The following FAM171A1 variants were observed in gnomAD, a reference collection of about 807,000 sequenced individuals.
FAM171A1 encodes protein FAM171A1.
A neutral mutation model predicts 74.9 loss-of-function variants in FAM171A1; 23 were observed. The ratio of observed to expected loss-of-function variants is 0.31; its 90% CI spans 0.22 to 0.44. The LOEUF is 0.44. Among genes scored for constraint, FAM171A1 ranks in the 20% least tolerant of loss-of-function variants. FAM171A1 has a pLI of 1.00. For missense variants in FAM171A1, 1,162 were observed against 1,159.2 expected (o/e 1.00, Z -0.03); for synonymous variants, 527 against 505.7 (o/e 1.04, Z -0.57).
intron 7 of FAM171A1, 135 bp from the exon 8 acceptor site, chr10:15,214,736 G>C: frequency 8.7e-7 from 1 of 1,151,158 alleles, no homozygotes; most frequent in Non-Finnish European, 1.2e-6. Context: ...GCAGCCAAAA[G>C]CCTTCTCACC....
intron 2 of FAM171A1, among the ~76,000 whole-genome samples, chr10:15,276,448 G>A (rs1247432579): frequency 6.6e-6 from 1 of 152,170 alleles, no homozygotes; most frequent in Admixed American, 6.5e-5. Flanking sequence ...CAAAGTGTTG[G>A]GATTACAGGC....
chr10:15,243,950 C>T (rs1437959673), intron 5 of FAM171A1, among the ~76,000 whole-genome samples: 9 of 152,166 alleles, frequency 5.9e-5, no homozygotes, highest in Non-Finnish European at 1.3e-4. Context: ...CGAGGTTTCA[C>T]CGTGTTAGCC....
upstream of FAM171A1, among the ~76,000 whole-genome samples, chr10:15,372,523 C>G (rs1217170950): frequency 8.9e-6 from 1 of 112,988 alleles, no homozygotes; most frequent in Non-Finnish European, 1.8e-5. Context: ...TGGTGAAACC[C>G]TGTCTCTACC....
intron 1 of FAM171A1, among the ~76,000 whole-genome samples, chr10:15,337,480 G>A (rs374789464): frequency 1.8e-4 from 27 of 151,096 alleles, no homozygotes; most frequent in African/African-American, 5.8e-4. Context: ...GCTCCCGCCT[G>A]TAATCCCAGC....
chr10:15,256,659 T>G (rs944704479), intron 3 of FAM171A1, among the ~76,000 whole-genome samples: 1 of 152,220 alleles, frequency 6.6e-6, no homozygotes, highest in Non-Finnish European at 1.5e-5. Flanking sequence ...TCTGGGTATT[T>G]TAACATTATT....
rs1184161078 is a variant in FAM171A1 at position 15,339,790 on chromosome 10, A to C, written c.97+31166T>G. The stretch of plus-strand genomic sequence containing the variant: ...CGCTGCTGATAAAGACATACCCGAG[A>C]CTGGGTAATTTATAAAGAAAAAGAG... On this transcript the variant is annotated intron_variant, in intron 1 of 7. Transcript: ENST00000378116. Among the ~76,000 whole-genome samples, 3 of 152,092 alleles carry C rather than the reference A, an allele frequency of 2.0e-5. No homozygotes were observed. In the East Asian group the frequency reaches 5.8e-4, roughly 29 times the overall value.
intron 1 of FAM171A1, among the ~76,000 whole-genome samples, chr10:15,345,920 T>C (rs1835812776): frequency 6.6e-6 from 1 of 152,036 alleles, no homozygotes. Flanking sequence ...GACCCAGAAA[T>C]GTCCGCTGGA....
chr10:15,276,451 T>C (rs922985398), intron 2 of FAM171A1, among the ~76,000 whole-genome samples: 1 of 152,220 alleles, frequency 6.6e-6, no homozygotes, highest in African/African-American at 2.4e-5. Flanking sequence ...AGTGTTGGGA[T>C]TACAGGCGTG....
chr10:15,369,046 C>G (rs1035634672), intron 1 of FAM171A1, among the ~76,000 whole-genome samples: 1 of 152,130 alleles, frequency 6.6e-6, no homozygotes, highest in Non-Finnish European at 1.5e-5. Flanking sequence ...ATCTCCCACT[C>G]CAACCATACC....
intron 5 of FAM171A1, 48 bp downstream of exon 5, chr10:15,248,591 T>A (rs1834464406): frequency 6.5e-7 from 1 of 1,540,708 alleles, no homozygotes; most frequent in South Asian, 1.3e-5. Flanking sequence ...AACCAAACAG[T>A]AACGAAGCCA....
intron 5 of FAM171A1, among the ~76,000 whole-genome samples, chr10:15,236,123 A>G (rs1834285461): frequency 6.6e-6 from 1 of 152,140 alleles, no homozygotes; most frequent in Non-Finnish European, 1.5e-5. Flanking sequence ...AATCCCAAAC[A>G]ATGATGTTTC....
At chr10:15,326,624 C>T (rs1182913030) in intron 1 of FAM171A1, among the ~76,000 whole-genome samples, 1 of 151,348 alleles carries the variant, frequency 6.6e-6, no homozygotes, top group Non-Finnish European at 1.5e-5. Context: ...AGGTTTCTTA[C>T]AATTCTTGTT....
rs149741821 is a variant in FAM171A1 at position 15,270,698 on chromosome 10, C to T, written c.418+5157G>A. Among the ~76,000 whole-genome samples, 787 of 152,288 alleles carry T rather than the reference C, an allele frequency of 5.2e-3. 11 individuals carry two copies. The highest frequency in any genetic ancestry group is 0.018 in the African/African-American group (753 of 41,572). ...CAAAGCTTCCAGAGGAAGGATCAGG[C>T]AGCAACATTTGCTGTTCTGCAATAT... is the stretch of plus-strand genomic sequence containing the variant. On this transcript the variant is annotated intron_variant, in intron 3 of 7. Transcript: ENST00000378116.
chr10:15,243,547 A>ATG (rs1370199369), intron 5 of FAM171A1, among the ~76,000 whole-genome samples: 1 of 152,164 alleles, frequency 6.6e-6, no homozygotes, highest in Non-Finnish European at 1.5e-5. Flanking sequence ...CACACAACCC[A>ATG]TACAGGAATC....
At chr10:15,350,771 T>G (rs1835868442) in intron 1 of FAM171A1, among the ~76,000 whole-genome samples, 1 of 152,084 alleles carries the variant, frequency 6.6e-6, no homozygotes, top group African/African-American at 2.4e-5. Flanking sequence ...GCCTCCCCAG[T>G]AGCTGGAATT....
At chr10:15,223,941 A>G (rs1472681958) in intron 5 of FAM171A1, among the ~76,000 whole-genome samples, 1 of 152,120 alleles carries the variant, frequency 6.6e-6, no homozygotes, top group Non-Finnish European at 1.5e-5. Context: ...ACCCCTCCAC[A>G]TTACATTTGG....
Position 15,370,987 on chromosome 10 carries a change from C to G in FAM171A1, c.66G>C (p.Lys22Asn). The G allele has an allele frequency of 8.4e-7, 1 of 1,192,240 alleles. No homozygotes were observed. The highest frequency in any genetic ancestry group is 1.1e-6 in the Non-Finnish European group (1 of 939,092). The allele number at this position is 1,192,240 out of a possible 1,614,324, so 73.9% of individuals were successfully genotyped here. The stretch of plus-strand genomic sequence containing the variant: ...CTCCGGCGCCGGGCTCCCGCAGCGT[C>G]TTGGTCACCGCCTTCCAGACGTGGC... The part of the protein sequence containing the change: ...LGCHVWKAVT[K>N]TLREPGAGAQ... The change falls in exon 1 of 8, where the codon AAG (lysine) becomes AAC (asparagine). Residue 22 changes from lysine (K) to asparagine (N), a missense_variant. Transcript: ENST00000378116.
chr10:15,229,039 T>G (rs1044142585), intron 5 of FAM171A1, among the ~76,000 whole-genome samples: 5 of 152,222 alleles, frequency 3.3e-5, no homozygotes, highest in African/African-American at 1.2e-4. Flanking sequence ...ACTAGGTCTA[T>G]AAGCTGGGAC....
Position 15,284,111 on chromosome 10 carries a change from G to C in FAM171A1, c.98-6C>G. 6.2e-7 allele frequency: 1 copy of C among 1,612,260 alleles called. No homozygotes were observed. Among genetic ancestry groups the C allele is most frequent in the Non-Finnish European group, 8.5e-7 (1 of 1,179,714 alleles). On this transcript the variant is annotated splice_polypyrimidine_tract_variant and splice_region_variant and intron_variant, in intron 1 of 7. Coordinates refer to ENST00000378116, the MANE Select transcript of FAM171A1 (RefSeq NM_001010924.2). ...GTGCACCTTTAACGTCACCTCTGGA[G>C]GTAGAGAAAGCACAAAGAACAGCTA...
Sources: gnomAD v4.1 joint callset for allele counts (sites outside exome capture counted in the v4.1 genomes callset) on GRCh38, gnomAD v4.1.1 for gene constraint, MANE v1.5 for transcripts, NCBI Gene and HGNC (gene_info 2026-07-23, HGNC 2026-07-21) for gene names.